The following DNAJC6 variants were observed in gnomAD, a reference collection of about 807,000 sequenced individuals.
The protein encoded by DNAJC6 is DnaJ heat shock protein family (Hsp40) member C6, also known as auxilin.
Under a neutral mutation model 110.0 loss-of-function variants are expected in DNAJC6, and 34 were observed. The ratio of observed to expected loss-of-function variants is 0.31; its 90% confidence interval spans 0.24 to 0.41. DNAJC6 has a LOEUF of 0.41. Among genes scored for constraint, DNAJC6 ranks in the 10% least tolerant of loss-of-function variants. DNAJC6 has a pLI of 1.00. For synonymous variants in DNAJC6, 406 were observed against 437.2 expected (o/e 0.93, Z 0.89); for missense variants, 1,031 against 1,207.8 (o/e 0.85, Z 2.17).
intron 1 of DNAJC6, among the ~76,000 whole-genome samples, chr1:65,289,626 G>A (rs1448240013): frequency 1.3e-5 from 2 of 152,114 alleles, no homozygotes; most frequent in African/African-American, 4.8e-5. Flanking sequence ...TTTTGTGAGA[G>A]GCCTGATTAT....
At chr1:65,275,024 C>T (rs1291450123) in intron 1 of DNAJC6, among the ~76,000 whole-genome samples, 1 of 152,166 alleles carries the variant, frequency 6.6e-6, no homozygotes, top group Non-Finnish European at 1.5e-5. Flanking sequence ...ACCCTATCTT[C>T]TCCCTCACCT....
intron 4 of DNAJC6, among the ~76,000 whole-genome samples, chr1:65,376,328 C>CAA (rs77878717): frequency 8.6e-5 from 13 of 150,604 alleles, no homozygotes; most frequent in Non-Finnish European, 1.5e-4. Flanking sequence ...TATATTGTTT[C>CAA]AAAAAAAACA....
Position 65,408,644 on chromosome 1 carries a change from G to C in DNAJC6, c.2495G>C (p.Gly832Ala). 6.2e-7 allele frequency: 1 copy of C among 1,608,350 alleles called. No homozygotes were observed. Among genetic ancestry groups the C allele is most frequent in the Non-Finnish European group, 8.5e-7 (1 of 1,178,532 alleles). Reference protein sequence around the residue: ...ERGKGSSNLEGKQKAADFEDL... With the variant: ...ERGKGSSNLEAKQKAADFEDL... The stretch of plus-strand genomic sequence containing the variant: ...ATTTTCAAAAATTATATTGCAGAAG[G>C]GAAACAAAAAGCAGCTGATTTTGAA... Residue 832 changes from glycine (G) to alanine (A), a missense_variant, in exon 17 of 19, where the codon GGG becomes GCG. Physicochemically the swap from Gly to Ala is moderately conservative, Grantham distance 60. Transcript: ENST00000371069.
intron 1 of DNAJC6, among the ~76,000 whole-genome samples, chr1:65,320,079 A>G (rs1051503493): frequency 6.6e-6 from 1 of 152,214 alleles, no homozygotes; most frequent in African/African-American, 2.4e-5. Context: ...GACTGGTGTC[A>G]CTTTCCAATT....
In DNAJC6 at chr1:65,413,129, T is replaced by G. The variant is rs1372259565; in HGVS notation, c.*104T>G. The G allele has an allele frequency of 1.1e-6, 1 of 906,284 alleles. No individual in the cohort carries two copies. The highest frequency in any genetic ancestry group is 1.5e-5 in the South Asian group (1 of 65,486). The allele number at this position is 906,284 out of a possible 1,614,324, so 56.1% of individuals were successfully genotyped here. On this transcript the variant is annotated 3_prime_UTR_variant, in exon 19 of 19. Coordinates refer to ENST00000371069, the MANE Select transcript of DNAJC6 (RefSeq NM_001256864.2). Reference sequence around the variant, plus strand: ...AACCAAAAACTCCAGTAACATGTTTTCAGTACTAAACCGTTAAGTTACTCA... The same window carrying G: ...AACCAAAAACTCCAGTAACATGTTTGCAGTACTAAACCGTTAAGTTACTCA...
At position 65,398,880 on chromosome 1, in the gene DNAJC6, A is replaced by C. The variant is rs774250417; in HGVS notation, c.2106A>C (p.Pro702=). 29 of 1,613,866 alleles carry C rather than the reference A, an allele frequency of 1.8e-5. No homozygotes were observed. The highest frequency in any genetic ancestry group is 2.5e-5 in the Non-Finnish European group (29 of 1,179,912). Residue 702 remains proline (P), a splice_region_variant and synonymous_variant, in exon 14 of 19, where the codon CCA becomes CCC. Coordinates refer to ENST00000371069, the MANE Select transcript of DNAJC6 (RefSeq NM_001256864.2). The stretch of plus-strand genomic sequence containing the variant: ...GAGGTTGGGACTGGCATGCTAAACC[A>C]GGTAAAAGCAGGTTATTTTCTGTAC... ...VSGGWDWHAK[P]GGFGMGSKSA... is the part of the protein sequence containing the mutation.
At chr1:65,326,388 T>G (rs1433052244) in intron 1 of DNAJC6, among the ~76,000 whole-genome samples, 2 of 152,096 alleles carry the variant, frequency 1.3e-5, no homozygotes, top group African/African-American at 4.8e-5. Context: ...CTTGGTTAGG[T>G]TGAGGTCTTG....
At chr1:65,385,978 T>C in intron 7 of DNAJC6, 72 bp downstream of exon 7, 1 of 1,369,970 alleles carries the variant, frequency 7.3e-7, no homozygotes, top group Admixed American at 2.1e-5. Context: ...ATGAGTTGAA[T>C]CATATTCTTC....
At chr1:65,305,663 C>A (rs1645030045), upstream of DNAJC6, among the ~76,000 whole-genome samples, 1 of 151,960 alleles carries the variant, frequency 6.6e-6, no homozygotes, top group African/African-American at 2.4e-5. Flanking sequence ...GGATTTTTGC[C>A]CTCAAAGAGT....
intron 1 of DNAJC6, among the ~76,000 whole-genome samples, chr1:65,286,334 C>T (rs1191783178): frequency 6.6e-6 from 1 of 151,986 alleles, no homozygotes; most frequent in Non-Finnish European, 1.5e-5. Context: ...GCGACCTCAA[C>T]CACTGTGGCA....
At chr1:65,399,787 C>A (rs937939124) in intron 14 of DNAJC6, among the ~76,000 whole-genome samples, 1 of 152,180 alleles carries the variant, frequency 6.6e-6, no homozygotes, top group Non-Finnish European at 1.5e-5. Flanking sequence ...AATCATACAG[C>A]ATTTGACTTT....
intron 1 of DNAJC6, among the ~76,000 whole-genome samples, chr1:65,289,227 GCT>G (rs1449653602): frequency 2.0e-5 from 3 of 151,654 alleles, no homozygotes; most frequent in Non-Finnish European, 4.4e-5. Flanking sequence ...ATGGAGTCTC[GCT>G]CTGTTACCTA....
intron 1 of DNAJC6, among the ~76,000 whole-genome samples, chr1:65,312,988 C>T (rs190442510): frequency 2.6e-5 from 4 of 152,094 alleles, no homozygotes; most frequent in Non-Finnish European, 5.9e-5. Context: ...TTAGTAGAGA[C>T]GGGCTCTTGC....
chr1:65,386,177 C>A (rs1021032247), intron 7 of DNAJC6, among the ~76,000 whole-genome samples: 1 of 152,084 alleles, frequency 6.6e-6, no homozygotes, highest in Admixed American at 6.6e-5. Flanking sequence ...GACACCTGGT[C>A]ATTGAAGAAG....
rs905692948 is a variant in DNAJC6 at position 65,265,773 on chromosome 1, T to G, written c.-131+841T>G. On this transcript the variant is annotated intron_variant, in intron 1 of 19. Coordinates refer to the DNAJC6 transcript ENST00000263441. ...CCGATCCCGTTTCCAGGGGGAGCCCTTCCTTCCTATTGCGCTGGTCGTGCT... is the reference window on the plus strand; with the variant it reads ...CCGATCCCGTTTCCAGGGGGAGCCCGTCCTTCCTATTGCGCTGGTCGTGCT... Among the ~76,000 whole-genome samples, 4 of 152,158 alleles carry G rather than the reference T, an allele frequency of 2.6e-5. No homozygotes were observed. In the South Asian group the frequency reaches 8.3e-4, roughly 32 times the overall value.
chr1:65,306,105 T>C (rs1645034903), upstream of DNAJC6, among the ~76,000 whole-genome samples: 1 of 143,912 alleles, frequency 6.9e-6, no homozygotes, highest in Non-Finnish European at 1.5e-5. Context: ...TGAGACAGAG[T>C]CTCGCTTTGT....
intron 14 of DNAJC6, among the ~76,000 whole-genome samples, chr1:65,399,708 G>C (rs1344992601): frequency 6.6e-6 from 1 of 151,996 alleles, no homozygotes; most frequent in Non-Finnish European, 1.5e-5. Context: ...CCCTACCTCT[G>C]CCTCCACCAG....
chr1:65,281,910 G>A (rs1281668571), intron 1 of DNAJC6, among the ~76,000 whole-genome samples: 1 of 151,808 alleles, frequency 6.6e-6, no homozygotes, highest in Non-Finnish European at 1.5e-5. Flanking sequence ...GCCCAGCCCT[G>A]TTTAAAATTT....
In DNAJC6 at chr1:65,406,123, A is replaced by T; in HGVS notation, c.2481A>T (p.Ser827=). ...PGGQNERGKG[S]SNLEGKQKAA... ...GCCAGAACGAACGTGGGAAAGGATC[A>T]AGTAATTTGGGTAAGGATAATGGTA... The change falls in exon 16 of 19, where the codon TCA becomes TCT. Residue 827 remains serine (S), a synonymous_variant. Coordinates refer to ENST00000371069, the MANE Select transcript of DNAJC6 (RefSeq NM_001256864.2). The T allele has an allele frequency of 6.2e-7, 1 of 1,613,792 alleles. No homozygotes were observed. The highest frequency in any genetic ancestry group is 2.2e-5 in the East Asian group (1 of 44,872).
Sources: allele counts gnomAD v4.1 joint callset (sites outside exome capture counted in the v4.1 genomes callset), GRCh38; gene constraint gnomAD v4.1.1; transcripts MANE v1.5; gene names NCBI Gene and HGNC (gene_info 2026-07-23, HGNC 2026-07-21).